RMDN2: variants seen among roughly 807,000 people sequenced by gnomAD.
RMDN2 encodes the protein regulator of microtubule dynamics protein 2.
RMDN2 carries 61 observed loss-of-function variants against 52.8 expected under a neutral mutation model. The observed-to-expected ratio is 1.16, with a 90% CI of 0.94 to 1.43. The LOEUF (loss-of-function observed/expected upper bound fraction) is 1.43, where lower values mean the gene tolerates loss of function less well. Ranked by LOEUF, RMDN2 falls within the 40% of genes most tolerant of loss-of-function variation. The pLI is 0.00. For missense variants in RMDN2, 592 were observed against 475.3 expected (o/e 1.25, Z -2.28); for synonymous variants, 180 against 153.1 (o/e 1.18, Z -1.30).
intron 10 of RMDN2, chr2:38,032,723 C>T (rs981992432): frequency 6.6e-6 from 1 of 152,250 alleles, no homozygotes; most frequent in Non-Finnish European, 1.5e-5. Context: ...CCTGTAATCC[C>T]AGCTACTCAG....
intron 10 of RMDN2, chr2:38,036,723 A>T (rs1008492566): frequency 1.3e-5 from 2 of 152,190 alleles, no homozygotes. Flanking sequence ...GTGCTGACAC[A>T]TGTAACTCTT....
Position 37,981,298 on chromosome 2 carries a change from A to G in RMDN2, c.746A>G (p.Glu249Gly), listed in dbSNP as rs758519625. 36 of 1,601,522 alleles carry G rather than the reference A, an allele frequency of 2.2e-5. No homozygotes were observed. Among genetic ancestry groups the G allele is most frequent in the Non-Finnish European group, 3.0e-5 (35 of 1,168,638 alleles). The change falls in exon 5 of 11, where the codon GAA becomes GGA. Residue 249 changes from glutamate (E) to glycine (G), a missense_variant. By Grantham distance (98) the Glu-to-Gly change is moderately conservative (BLOSUM62 -2). Transcript: ENST00000354545. ...HYANIGKTLS[E>G]RAINRAPMNG... The stretch of plus-strand genomic sequence containing the variant: ...TATCTTTCAGGAAAAACTTTAAGTG[A>G]AAGAGCTATTAATAGAGCACCCATG...
chr2:37,929,815 C>A, intron 2 of RMDN2, 86 bp downstream of exon 2: 1 of 846,946 alleles, frequency 1.2e-6, no homozygotes, highest in Non-Finnish European at 1.8e-6. Flanking sequence ...GGGTTCCAGT[C>A]ATATATCCTG....
At chr2:38,034,007 C>T (rs543074946) in intron 10 of RMDN2, among the ~76,000 whole-genome samples, 4 of 152,314 alleles carry the variant, frequency 2.6e-5, no homozygotes, top group African/African-American at 7.2e-5. Flanking sequence ...TGACGTTTAT[C>T]CCCCCAGCTA....
intron 10 of RMDN2, chr2:38,029,321 G>A (rs1680009027): frequency 6.6e-6 from 1 of 152,138 alleles, no homozygotes; most frequent in Non-Finnish European, 1.5e-5. Context: ...GCCCACTCAT[G>A]GAAATCTCCC....
At chr2:38,066,883 A>G (rs1180237541) in intron 10 of RMDN2, 15 of 1,084,924 alleles carry the variant, frequency 1.4e-5, no homozygotes, top group Non-Finnish European at 1.9e-5. Flanking sequence ...AAACCACTCC[A>G]TAGCCATACC....
At chr2:37,949,537 T>C (rs1668530096) in intron 2 of RMDN2, among the ~76,000 whole-genome samples, 1 of 152,184 alleles carries the variant, frequency 6.6e-6, no homozygotes, top group African/African-American at 2.4e-5. Context: ...GAATCTCATG[T>C]CTTCTGCCAG....
intron 2 of RMDN2, among the ~76,000 whole-genome samples, chr2:37,969,939 C>G (rs1671572957): frequency 6.6e-6 from 1 of 151,318 alleles, no homozygotes; most frequent in Admixed American, 6.6e-5. Context: ...TGTTTTCTTT[C>G]CCTTTCCCTT....
intron 5 of RMDN2, among the ~76,000 whole-genome samples, chr2:37,982,821 A>C (rs1476804666): frequency 6.6e-6 from 1 of 152,176 alleles, no homozygotes; most frequent in Non-Finnish European, 1.5e-5. Context: ...AATCTAATTT[A>C]CATAATAACA....
chr2:37,998,717 A>C (rs1025155288), intron 8 of RMDN2, among the ~76,000 whole-genome samples: 1 of 152,158 alleles, frequency 6.6e-6, no homozygotes, highest in Admixed American at 6.5e-5. Context: ...GCACAAGCCC[A>C]GCAGAAAAGA....
intron 10 of RMDN2, among the ~76,000 whole-genome samples, chr2:38,039,093 C>CACAGAGAGAG (rs1317093706): frequency 1.1e-5 from 1 of 91,592 alleles, no homozygotes; most frequent in African/African-American, 3.1e-5. Context: ...CACACACACA[C>CACAGAGAGAG]AGAGAGAGAG....
downstream of RMDN2, among the ~76,000 whole-genome samples, chr2:38,018,861 C>G (rs1299893517): frequency 1.3e-5 from 2 of 152,246 alleles, no homozygotes; most frequent in South Asian, 2.1e-4. Flanking sequence ...TTTACTGTCC[C>G]AAATACATGG....
At chr2:38,041,453 G>C (rs77113413) in intron 10 of RMDN2, among the ~76,000 whole-genome samples, 1 of 37,562 alleles carries the variant, frequency 2.7e-5, no homozygotes. Flanking sequence ...TGGACGTTTT[G>C]TACTAAGCAG....
intron 5 of RMDN2, among the ~76,000 whole-genome samples, chr2:37,985,501 G>A (rs1057464732): frequency 4.6e-5 from 7 of 152,052 alleles, no homozygotes; most frequent in Non-Finnish European, 1.0e-4. Context: ...GTAGAAATGT[G>A]GTCAAGCTTT....
chr2:38,021,883 G>T (rs1378649191), downstream of RMDN2, among the ~76,000 whole-genome samples: 1 of 152,202 alleles, frequency 6.6e-6, no homozygotes, highest in African/African-American at 2.4e-5. Flanking sequence ...CCACAAGCCA[G>T]TTACCAGTAC....
chr2:38,043,215 G>T lies in RMDN2; in HGVS notation c.1714-23767G>T, dbSNP rs1239781889. Among the ~76,000 whole-genome samples, 2 of 152,222 alleles carry T rather than the reference G, an allele frequency of 1.3e-5. 1 individual carries two copies. Among genetic ancestry groups the T allele is most frequent in the South Asian group, 4.1e-4 (2 of 4,826 alleles). On this transcript the variant is annotated intron_variant, in intron 10 of 10. Coordinates refer to the RMDN2 transcript ENST00000234195. Reference sequence around the variant, plus strand: ...CATTGAGGATTGTTATGTCTTCTTGGAGAATTGTCCCCTTTAAAATTATGT... The same window carrying T: ...CATTGAGGATTGTTATGTCTTCTTGTAGAATTGTCCCCTTTAAAATTATGT...
At chr2:38,057,948 C>A (rs1355154480) in intron 10 of RMDN2, among the ~76,000 whole-genome samples, 1 of 152,150 alleles carries the variant, frequency 6.6e-6, no homozygotes, top group East Asian at 1.9e-4. Context: ...AACCTCTTTG[C>A]TTTATAAATT....
At chr2:37,949,061 T>C (rs1668477473) in intron 2 of RMDN2, among the ~76,000 whole-genome samples, 1 of 152,178 alleles carries the variant, frequency 6.6e-6, no homozygotes, top group African/African-American at 2.4e-5. Context: ...AAAGAGATCC[T>C]TTTGGAAAAT....
intron 2 of RMDN2, chr2:37,952,623 T>G (rs998683487): frequency 1.3e-5 from 3 of 227,584 alleles, no homozygotes; most frequent in Non-Finnish European, 2.6e-5. Flanking sequence ...ACATAATCAT[T>G]AGAGCTATTT....
Sources: allele counts gnomAD v4.1 joint callset (sites outside exome capture counted in the v4.1 genomes callset), GRCh38; gene constraint gnomAD v4.1.1; transcripts MANE v1.5; gene names NCBI Gene and HGNC (gene_info 2026-07-23, HGNC 2026-07-21).